HSBP1: variants seen among roughly 807,000 people sequenced by gnomAD.
HSBP1 encodes heat shock factor-binding protein 1.
HSBP1 carries 5 observed loss-of-function variants against 9.6 expected under a neutral mutation model. The observed-to-expected ratio is 0.52, with a 90% CI of 0.27 to 1.09. HSBP1 has a LOEUF of 1.09. Ranked by LOEUF, HSBP1 falls within the 50% of genes least tolerant of loss-of-function variation. The pLI, the probability that HSBP1 is intolerant of heterozygous loss-of-function variation, is 0.11. For synonymous variants in HSBP1, 42 were observed against 33.3 expected, an observed-to-expected ratio of 1.26 and a Z score of -0.90; for missense variants, 121 against 96.3, an observed-to-expected ratio of 1.26 and a Z score of -1.07.
intron 1 of HSBP1, 21 bp from the exon 2 acceptor site, chr16:83,808,659 G>C: frequency 1.9e-6 from 3 of 1,602,852 alleles, no homozygotes; most frequent in South Asian, 1.1e-5. Flanking sequence ...GACCGTGTTT[G>C]TTTGTTTCGG....
rs1904631052 is a variant in HSBP1 at position 83,812,824 on chromosome 16, A to T, written c.*1406A>T. 6.6e-6 allele frequency: 1 copy of T among 152,266 alleles called. No individual in the cohort carries two copies. Among genetic ancestry groups the T allele is most frequent in the Admixed American group, 6.5e-5 (1 of 15,276 alleles). The allele number at this position is 152,266 out of a possible 1,614,324, so 9.4% of individuals were successfully genotyped here. On this transcript the variant is annotated 3_prime_UTR_variant, in exon 4 of 4. Coordinates refer to ENST00000433866, the MANE Select transcript of HSBP1 (RefSeq NM_001537.4). ...CCATCCGAAACCTGCGTCCCTGGTG[A>T]TGTTCTCAAGCCTCGGAAGTGGCAA... is the stretch of plus-strand genomic sequence containing the variant.
At position 83,817,839 on chromosome 16, in the gene HSBP1, T is replaced by C. The variant is rs1033334493; in HGVS notation, c.*6421T>C. The C allele has an allele frequency of 5.3e-5, 8 of 152,328 alleles. No individual in the cohort carries two copies. The highest frequency in any genetic ancestry group is 2.1e-4 in the South Asian group (1 of 4,828). The allele number at this position is 152,328 out of a possible 1,614,324, so 9.4% of individuals were successfully genotyped here. The stretch of plus-strand genomic sequence containing the variant: ...TGACTGATTCTGCTCCAGAATCTTA[T>C]TGAGGCAAAGGACTGGACCGAATTA... On this transcript the variant is annotated 3_prime_UTR_variant, in exon 4 of 4. Transcript: ENST00000433866.
rs1425749179 is a variant in HSBP1 at position 83,811,754 on chromosome 16, T to C, written c.*336T>C. On this transcript the variant is annotated 3_prime_UTR_variant, in exon 4 of 4. Coordinates refer to ENST00000433866, the MANE Select transcript of HSBP1 (RefSeq NM_001537.4). ...GTAGTAGTTGCTGTTTGGATAAAAG[T>C]TGATGTGTGATTTTTTATTAAACAA... The C allele has an allele frequency of 2.0e-5, 3 of 152,240 alleles. No homozygotes were observed. Among genetic ancestry groups the C allele is most frequent in the Non-Finnish European group, 4.4e-5 (3 of 68,038 alleles). The allele number at this position is 152,240 out of a possible 1,614,324, so 9.4% of individuals were successfully genotyped here.
intron 1 of HSBP1, 95 bp downstream of exon 1, chr16:83,808,216 G>A (rs964475170): frequency 3.7e-6 from 4 of 1,089,780 alleles, no homozygotes; most frequent in Admixed American, 6.5e-5. Context: ...GCGGCCGCGC[G>A]TGGCGTCTGC....
Position 83,808,697 on chromosome 16 carries a change from G to T in HSBP1, c.63G>T (p.Gln21His). ...DLTSVVQTLL[Q>H]QMQDKFQTMS... ...TTTCTTAGGTGCAGACACTCCTGCA[G>T]CAGATGCAAGATAAATTTCAGACCA... Residue 21 changes from glutamine (Q) to histidine (H), a missense_variant, in exon 2 of 4, where the codon CAG becomes CAT. By Grantham distance (24) the Gln-to-His change is conservative. Coordinates refer to ENST00000433866, the MANE Select transcript of HSBP1 (RefSeq NM_001537.4). 1 of 1,612,676 alleles carries T rather than the reference G, an allele frequency of 6.2e-7. No homozygotes were observed. The highest frequency in any genetic ancestry group is 8.5e-7 in the Non-Finnish European group (1 of 1,178,924).
intron 1 of HSBP1, 50 bp downstream of exon 1, chr16:83,808,171 C>G: frequency 6.7e-7 from 1 of 1,496,122 alleles, no homozygotes; most frequent in Non-Finnish European, 9.1e-7. Context: ...CGGGCGGCGC[C>G]GGGCCAAGCC....
Position 83,807,993 on chromosome 16 carries a change from A to G in HSBP1, c.-84A>G. 7.9e-7 allele frequency: 1 copy of G among 1,261,350 alleles called. No homozygotes were observed. Among genetic ancestry groups the G allele is most frequent in the Non-Finnish European group, 1.1e-6 (1 of 920,124 alleles). The allele number at this position is 1,261,350 out of a possible 1,614,324, so 78.1% of individuals were successfully genotyped here. ...GCGAGCTGCCAGTCTCGTCGCGAGA[A>G]GCAGCGGCCCGGGGCGACTGAGCGG... On this transcript the variant is annotated 5_prime_UTR_variant, in exon 1 of 4. Coordinates refer to ENST00000433866, the MANE Select transcript of HSBP1 (RefSeq NM_001537.4).
In HSBP1 at chr16:83,819,482, CT is replaced by C. The variant is rs1904793120; in HGVS notation, c.*8065del. 6.6e-6 allele frequency: 1 copy of C among 152,116 alleles called. No individual in the cohort carries two copies. The highest frequency in any genetic ancestry group is 2.4e-5 in the African/African-American group (1 of 41,420). 9.4% of individuals were successfully genotyped at this position (152,116 alleles called of 1,614,324 possible). ...GCCTTCTGAACCGAGGAGTCCACCCCTAAGCCCGAGGAACTGAGCGTGAAGA... is the reference window on the plus strand; with the variant it reads ...GCCTTCTGAACCGAGGAGTCCACCCCAAGCCCGAGGAACTGAGCGTGAAGA... On this transcript the variant is annotated 3_prime_UTR_variant, in exon 4 of 4. Transcript: ENST00000433866.
intron 2 of HSBP1, 172 bp from the exon 3 acceptor site, chr16:83,809,133 G>T (rs1224245862): frequency 1.1e-5 from 6 of 571,196 alleles, no homozygotes; most frequent in African/African-American, 3.8e-5. Flanking sequence ...ATCCGATGCG[G>T]GGTAGCCATG....
At position 83,808,720 on chromosome 16, in the gene HSBP1, C is replaced by G; in HGVS notation, c.86C>G (p.Thr29Ser). The part of the protein sequence containing the change: ...LLQQMQDKFQ[T>S]MSDQIIGRID... ...CAGCAGATGCAAGATAAATTTCAGA[C>G]CATGTCTGACCAGATCATTGGGAGA... Residue 29 changes from threonine (T) to serine (S), a missense_variant, in exon 2 of 4, where the codon ACC (threonine) becomes AGC (serine). Thr to Ser is a moderately conservative substitution (Grantham distance 58). Transcript: ENST00000433866. 6.2e-7 allele frequency: 1 copy of G among 1,612,374 alleles called. No homozygotes were observed. The highest frequency in any genetic ancestry group is 8.5e-7 in the Non-Finnish European group (1 of 1,178,674).
intron 3 of HSBP1, among the ~76,000 whole-genome samples, chr16:83,810,685 G>C (rs1277853242): frequency 2.0e-5 from 3 of 151,714 alleles, no homozygotes; most frequent in African/African-American, 4.8e-5. Context: ...AAAATTAGCT[G>C]GGTGTGGTGG....
chr16:83,817,874 C>G lies in HSBP1; in HGVS notation c.*6456C>G, dbSNP rs925101625. On this transcript the variant is annotated 3_prime_UTR_variant, in exon 4 of 4. Coordinates refer to ENST00000433866, the MANE Select transcript of HSBP1 (RefSeq NM_001537.4). Reference sequence around the variant, plus strand: ...GGACTGGACCGAATTATTCATGGAACAGAAGCCTAGGACTGGTAAGTCCAG... The same window carrying G: ...GGACTGGACCGAATTATTCATGGAAGAGAAGCCTAGGACTGGTAAGTCCAG... 3 of 152,270 alleles carry G rather than the reference C, an allele frequency of 2.0e-5. No homozygotes were observed. Among genetic ancestry groups the G allele is most frequent in the African/African-American group, 7.2e-5 (3 of 41,550 alleles). The allele number at this position is 152,270 out of a possible 1,614,324, so 9.4% of individuals were successfully genotyped here. A position where few individuals can be genotyped will look rare whatever the true frequency, so the allele number is the denominator to read the frequency against.
rs1198416792 is a variant in HSBP1 at position 83,813,184 on chromosome 16, GGC to G, written c.*1767_*1768del. 6.6e-6 allele frequency: 1 copy of G among 152,282 alleles called. No individual in the cohort carries two copies. The highest frequency in any genetic ancestry group is 2.4e-5 in the African/African-American group (1 of 41,430). 9.4% of individuals were successfully genotyped at this position (152,282 alleles called of 1,614,324 possible). ...AGCGGGAGGAGGGCTTGCCAAGACT[GGC>G]ATTGCAGGAGACTTGTCTCAGGTGT... is the stretch of plus-strand genomic sequence containing the variant. On this transcript the variant is annotated 3_prime_UTR_variant, in exon 4 of 4. Coordinates refer to ENST00000433866, the MANE Select transcript of HSBP1 (RefSeq NM_001537.4).
rs901867118 is a variant in HSBP1, at chr16:83,815,956, G to C, written c.*4538G>C. ...CTTCCCAATAATTAAGAATAGTCTGGATTCAGGATCCAGCAGCTTAGAAGC... is the reference window on the plus strand; with the variant it reads ...CTTCCCAATAATTAAGAATAGTCTGCATTCAGGATCCAGCAGCTTAGAAGC... On this transcript the variant is annotated 3_prime_UTR_variant, in exon 4 of 4. Transcript: ENST00000433866. 2 of 152,132 alleles carry C rather than the reference G, an allele frequency of 1.3e-5. No individual in the cohort carries two copies. The highest frequency in any genetic ancestry group is 3.9e-4 in the East Asian group (2 of 5,184). 9.4% of individuals were successfully genotyped at this position (152,132 alleles called of 1,614,324 possible). A position where few individuals can be genotyped will look rare whatever the true frequency, so the allele number is the denominator to read the frequency against.
chr16:83,810,735 G>A (rs541109053), intron 3 of HSBP1, among the ~76,000 whole-genome samples: 4 of 150,080 alleles, frequency 2.7e-5, no homozygotes, highest in Non-Finnish European at 3.0e-5. Flanking sequence ...GACTGAGACA[G>A]GAGGCAGAGT....
At chr16:83,808,437 C>T in intron 1 of HSBP1, 1 of 569,734 alleles carries the variant, frequency 1.8e-6, no homozygotes, top group South Asian at 2.2e-5. Flanking sequence ...CCCGGGTGCC[C>T]CAGCCCGGCA....
Position 83,817,493 on chromosome 16 carries a change from G to C in HSBP1, c.*6075G>C, listed in dbSNP as rs1164713206. 1 of 152,166 alleles carries C rather than the reference G, an allele frequency of 6.6e-6. No individual in the cohort carries two copies. The highest frequency in any genetic ancestry group is 2.4e-5 in the African/African-American group (1 of 41,430). 9.4% of individuals were successfully genotyped at this position (152,166 alleles called of 1,614,324 possible). ...TGTATCATCTCATTCACTGCTCAGA[G>C]GCTCTCGAAAGCTGTTGACATTATC... On this transcript the variant is annotated 3_prime_UTR_variant, in exon 4 of 4. Coordinates refer to ENST00000433866, the MANE Select transcript of HSBP1 (RefSeq NM_001537.4).
In HSBP1 at chr16:83,816,429, A is replaced by T. The variant is rs1042807671; in HGVS notation, c.*5011A>T. On this transcript the variant is annotated 3_prime_UTR_variant, in exon 4 of 4. Transcript: ENST00000433866. ...AATAAAAAACAAAAAAATAAATAAA[A>T]AATAAAAAGACCCAACCCCAGATTT... 6.6e-6 allele frequency: 1 copy of T among 152,116 alleles called. No individual in the cohort carries two copies. Among genetic ancestry groups the T allele is most frequent in the Admixed American group, 6.6e-5 (1 of 15,260 alleles). The allele number at this position is 152,116 out of a possible 1,614,324, so 9.4% of individuals were successfully genotyped here.
At chr16:83,809,648 T>C (rs2151030529) in intron 3 of HSBP1, among the ~76,000 whole-genome samples, 2 of 152,072 alleles carry the variant, frequency 1.3e-5, no homozygotes, top group South Asian at 4.1e-4. Context: ...TTTGTATTTT[T>C]AGTAGAGACG....
Sources: allele counts gnomAD v4.1 joint callset (sites outside exome capture counted in the v4.1 genomes callset), GRCh38; gene constraint gnomAD v4.1.1; transcripts MANE v1.5; gene names NCBI Gene and HGNC (gene_info 2026-07-23, HGNC 2026-07-21).